The following NADK variants were observed in gnomAD, a reference collection of about 807,000 sequenced individuals.
The protein encoded by NADK is poly(P)/ATP NAD kinase.
Under a neutral mutation model 49.8 loss-of-function variants are expected in NADK, and 22 were observed. The observed-to-expected ratio is 0.44, with a 90% CI of 0.32 to 0.63. The LOEUF (loss-of-function observed/expected upper bound fraction) is 0.63, where lower values mean the gene tolerates loss of function less well. Among genes scored for constraint, NADK ranks in the 30% least tolerant of loss-of-function variants. The pLI is 0.06. For synonymous variants in NADK, 268 were observed against 253.7 expected (o/e 1.06, Z -0.54); for missense variants, 438 against 609.4 (o/e 0.72, Z 2.96).
chr1:1,758,369 T>C, intron 3 of NADK: 1 of 1,609,918 alleles, frequency 6.2e-7, no homozygotes, highest in Non-Finnish European at 8.5e-7. Context: ...ACTCACCCTG[T>C]GCAGGCATTA....
intron 10 of NADK, 87 bp downstream of exon 10, chr1:1,753,964 T>C (rs1645421756): frequency 3.4e-6 from 5 of 1,470,114 alleles, no homozygotes; most frequent in Non-Finnish European, 4.5e-6. Flanking sequence ...GGAGCCAGCA[T>C]GGCAGAGCGG....
chr1:1,765,280 T>C lies in NADK; in HGVS notation c.127A>G (p.Lys43Glu), dbSNP rs1645850758. The C allele has an allele frequency of 6.2e-7, 1 of 1,613,040 alleles. No homozygotes were observed. Among genetic ancestry groups the C allele is most frequent in the South Asian group, 1.1e-5 (1 of 90,990 alleles). ...GGCGAGGCAGACAGGCTGCGAGACTTGGCCCGGCCCCGGATGGGGTGGTTG... is the reference window on the plus strand; with the variant it reads ...GGCGAGGCAGACAGGCTGCGAGACTCGGCCCGGCCCCGGATGGGGTGGTTG... ...SYNHPIRGRAKSRSLSASPAL... is the reference protein window; with the variant it reads ...SYNHPIRGRAESRSLSASPAL... Residue 43 changes from lysine (K) to glutamate (E), a missense_variant, in exon 2 of 12, where the codon AAG becomes GAG. Transcript: ENST00000341426.
At chr1:1,768,685 A>G (rs903433324) in intron 1 of NADK, among the ~76,000 whole-genome samples, 3 of 152,208 alleles carry the variant, frequency 2.0e-5, no homozygotes, top group African/African-American at 7.2e-5. Flanking sequence ...ACGATGAACC[A>G]AATTAGCTGG....
At chr1:1,759,166 A>G in intron 3 of NADK, 1 of 1,563,672 alleles carries the variant, frequency 6.4e-7, no homozygotes, top group Non-Finnish European at 8.7e-7. Flanking sequence ...AGCCACCAGC[A>G]GCGGCGTCGT....
intron 1 of NADK, among the ~76,000 whole-genome samples, chr1:1,774,964 C>T (rs1235465538): frequency 6.6e-6 from 1 of 151,994 alleles, no homozygotes; most frequent in Non-Finnish European, 1.5e-5. Flanking sequence ...AAAAAATTAG[C>T]TGGGCGCGGT....
chr1:1,767,821 C>T (rs1645930835), intron 1 of NADK, among the ~76,000 whole-genome samples: 1 of 152,110 alleles, frequency 6.6e-6, no homozygotes, highest in African/African-American at 2.4e-5. Context: ...GCAATCCCCC[C>T]AAATTCCTAC....
intron 1 of NADK, among the ~76,000 whole-genome samples, chr1:1,768,224 C>G (rs572690418): frequency 1.0e-3 from 150 of 149,748 alleles, no homozygotes; most frequent in Non-Finnish European, 1.9e-3. Context: ...TCTGATCAGA[C>G]AGAATGAGCA....
Position 1,754,760 on chromosome 1 carries a change from C to A in NADK, c.689-62G>T. The A allele has an allele frequency of 6.7e-7, 1 of 1,503,082 alleles. No homozygotes were observed. The highest frequency in any genetic ancestry group is 2.3e-5 in the East Asian group (1 of 43,846). The allele number at this position is 1,503,082 out of a possible 1,614,324, so 93.1% of individuals were successfully genotyped here. A position where few individuals can be genotyped will look rare whatever the true frequency, so the allele number is the denominator to read the frequency against. ...GAAGTCAGTGGGGTCAGGGGCCCCA[C>A]CCCAGGGAGGCCAGTGGGAGTCAGA... On this transcript the variant is annotated intron_variant, in intron 7 of 11. Coordinates refer to ENST00000341426, the MANE Select transcript of NADK (RefSeq NM_023018.5). The surrounding 1 kb of genome is among the most constrained non-coding windows in gnomAD (Gnocchi z 4.3).
upstream of NADK, among the ~76,000 whole-genome samples, chr1:1,779,742 G>A (rs143227614): frequency 2.9e-3 from 446 of 152,114 alleles, no homozygotes; most frequent in Middle Eastern, 0.01. Flanking sequence ...AACTTCACCC[G>A]CCTCGGCCTC....
At chr1:1,764,830 G>A (rs1645834893) in intron 2 of NADK, among the ~76,000 whole-genome samples, 1 of 152,364 alleles carries the variant, frequency 6.6e-6, no homozygotes. Flanking sequence ...GAACCTGGGA[G>A]GCGGAGGTTG....
In NADK at chr1:1,759,279, C is replaced by T. The variant is rs143736798; in HGVS notation, c.264-1969G>A. ...GGACACCAGCCCTTGCAGGCACGCA[C>T]GGCTGTGGGTACTGCACGGAGAGGG... On this transcript the variant is annotated intron_variant, in intron 3 of 11. Transcript: ENST00000341426. 8.4e-5 allele frequency: 129 copies of T among 1,528,696 alleles called. 1 individual carries two copies. In the Admixed American group the frequency reaches 1.3e-3, roughly 15 times the overall value. 94.7% of individuals were successfully genotyped at this position (1,528,696 alleles called of 1,614,324 possible). A position where few individuals can be genotyped will look rare whatever the true frequency, so the allele number is the denominator to read the frequency against.
chr1:1,774,497 C>T (rs536767191), intron 1 of NADK, among the ~76,000 whole-genome samples: 3 of 152,184 alleles, frequency 2.0e-5, no homozygotes, highest in Admixed American at 1.3e-4. Flanking sequence ...TCAGATGATC[C>T]GCCCGCCTTG....
At chr1:1,755,910 C>T (rs1052201626) in intron 6 of NADK, 7 of 478,128 alleles carry the variant, frequency 1.5e-5, no homozygotes, top group African/African-American at 7.8e-5. Context: ...GGCCCTACAG[C>T]CCCAGGGGAG....
intron 3 of NADK, chr1:1,759,259 C>T: frequency 6.4e-7 from 1 of 1,557,216 alleles, no homozygotes; most frequent in Non-Finnish European, 8.7e-7. Flanking sequence ...AAGCAGGACA[C>T]CAGCCCTTGC....
At chr1:1,774,608 GC>G (rs1646156141) in intron 1 of NADK, among the ~76,000 whole-genome samples, 1 of 150,098 alleles carries the variant, frequency 6.7e-6, no homozygotes, top group African/African-American at 2.5e-5. Flanking sequence ...GCCACTGCGC[GC>G]GGCCACCATT....
intron 3 of NADK, among the ~76,000 whole-genome samples, chr1:1,761,234 G>A (rs1300729956): frequency 1.2e-4 from 19 of 152,064 alleles, no homozygotes; most frequent in Admixed American, 3.9e-4. Context: ...CTCGTGATCC[G>A]CCCCCCTTGG....
chr1:1,759,245 T>A (rs1181526024), intron 3 of NADK: 1 of 1,565,964 alleles, frequency 6.4e-7, no homozygotes, highest in East Asian at 2.4e-5. Flanking sequence ...CTGGGTCACC[T>A]GCAAAGCAGG....
chr1:1,766,921 CT>C (rs1020885481), intron 1 of NADK, among the ~76,000 whole-genome samples: 36 of 146,070 alleles, frequency 2.5e-4, no homozygotes, highest in Non-Finnish European at 2.4e-4. Context: ...AGAACCTCAT[CT>C]TTTTTTTTTT....
chr1:1,769,134 CAGGCGGG>C (rs1397828507), intron 1 of NADK, among the ~76,000 whole-genome samples: 2 of 152,230 alleles, frequency 1.3e-5, no homozygotes, highest in Admixed American at 6.5e-5. Flanking sequence ...TAAGACATAC[CAGGCGGG>C]ATGTGGTGGC....
Sources: gnomAD v4.1 joint callset for allele counts (sites outside exome capture counted in the v4.1 genomes callset) on GRCh38, gnomAD v4.1.1 for gene constraint, Gnocchi (gnomAD v3.1) non-coding constraint, MANE v1.5 for transcripts, NCBI Gene and HGNC (gene_info 2026-07-23, HGNC 2026-07-21) for gene names.